Variants in AKAP12 observed in about 807,000 individuals in gnomAD.
AKAP12 encodes A-kinase anchor protein 12.
A neutral mutation model predicts 79.9 loss-of-function variants in AKAP12; 32 were observed. The observed-to-expected ratio is 0.40, with a 90% confidence interval of 0.30 to 0.54. The LOEUF is 0.54. AKAP12 is among the 20% of genes least tolerant of loss of function. AKAP12 has a pLI of 0.48. For missense variants in AKAP12, 2,074 were observed against 2,177.0 expected (o/e 0.95, Z 0.94); for synonymous variants, 808 against 857.0 (o/e 0.94, Z 1.00).
At chr6:151,348,152 C>CAA (rs35483096) in intron 3 of AKAP12, among the ~76,000 whole-genome samples, 8 of 149,726 alleles carry the variant, frequency 5.3e-5, no homozygotes, top group South Asian at 2.1e-4. Flanking sequence ...GACTCCATCT[C>CAA]AAAAAAAACA....
At chr6:151,333,655 A>G (rs566420970) in intron 3 of AKAP12, among the ~76,000 whole-genome samples, 168 of 151,172 alleles carry the variant, frequency 1.1e-3, no homozygotes, top group Middle Eastern at 3.4e-3. Context: ...AGGCAGGAAA[A>G]TTGCTTGAAC....
At chr6:151,285,493 G>A (rs898775142) in intron 2 of AKAP12, among the ~76,000 whole-genome samples, 1 of 150,662 alleles carries the variant, frequency 6.6e-6, no homozygotes. Context: ...ATGAAAAAAG[G>A]ATTTTTTTAA....
chr6:151,354,917 G>T (rs1015210423), intron 4 of AKAP12, among the ~76,000 whole-genome samples: 5 of 152,074 alleles, frequency 3.3e-5, no homozygotes, highest in Admixed American at 2.0e-4. Context: ...CTGGCCTCAA[G>T]AAATCCTCCT....
chr6:151,348,144 C>T (rs1283096916), intron 3 of AKAP12, among the ~76,000 whole-genome samples: 1 of 138,340 alleles, frequency 7.2e-6, no homozygotes, highest in African/African-American at 2.5e-5. Flanking sequence ...CAGAGTGAGA[C>T]TCCATCTCAA....
chr6:151,333,668 G>A lies in AKAP12; in HGVS notation c.320-15043G>A, dbSNP rs113276856. ...TGAGGCAGGAAAATTGCTTGAACCC[G>A]GGAGGTGGAGGCTGCAGTCGAGATC... On this transcript the variant is annotated intron_variant, in intron 3 of 4. Transcript: ENST00000402676. Among the ~76,000 whole-genome samples the A allele has an allele frequency of 9.6e-4, 145 of 151,648 alleles. 1 individual carries two copies. Among genetic ancestry groups the A allele is most frequent in the African/African-American group, 3.3e-3 (138 of 41,290 alleles).
intron 3 of AKAP12, among the ~76,000 whole-genome samples, chr6:151,314,827 G>T (rs751010552): frequency 2.6e-5 from 4 of 152,012 alleles, no homozygotes; most frequent in Admixed American, 6.6e-5. Flanking sequence ...GGCTGAGGTG[G>T]GTGGATCACA....
At chr6:151,326,410 T>C (rs1009930121) in intron 3 of AKAP12, among the ~76,000 whole-genome samples, 2 of 151,792 alleles carry the variant, frequency 1.3e-5, no homozygotes, top group African/African-American at 2.4e-5. Flanking sequence ...TAAGCTCTGC[T>C]TTAAGTGGTG....
At chr6:151,264,202 C>T (rs904458097) in intron 2 of AKAP12, among the ~76,000 whole-genome samples, 17 of 152,050 alleles carry the variant, frequency 1.1e-4, no homozygotes, top group African/African-American at 3.9e-4. Context: ...GAGCAGGGTG[C>T]GGCCTTGGGA....
At chr6:151,259,467 C>CGTGTGT (rs1309766949) in intron 2 of AKAP12, among the ~76,000 whole-genome samples, 2 of 88,046 alleles carry the variant, frequency 2.3e-5, no homozygotes, top group African/African-American at 1.2e-4. Context: ...CACATATATA[C>CGTGTGT]ATGTATATAT....
chr6:151,298,223 C>G (rs372789658), intron 2 of AKAP12, among the ~76,000 whole-genome samples: 1 of 152,154 alleles, frequency 6.6e-6, no homozygotes, highest in African/African-American at 2.4e-5. Flanking sequence ...CACCTTTACC[C>G]GCTTTGTCCT....
intron 2 of AKAP12, among the ~76,000 whole-genome samples, chr6:151,269,223 C>T (rs1057488835): frequency 1.1e-4 from 17 of 151,834 alleles, no homozygotes; most frequent in Non-Finnish European, 1.5e-4. Flanking sequence ...CCATTAGTAA[C>T]GGTCCCATTC....
At chr6:151,269,954 TATCAATGGA>T (rs1776147724) in intron 2 of AKAP12, among the ~76,000 whole-genome samples, 1 of 152,238 alleles carries the variant, frequency 6.6e-6, no homozygotes, top group East Asian at 1.9e-4. Context: ...GGACATTTTG[TATCAATGGA>T]ATCATACAAT....
chr6:151,327,551 A>AT (rs1777561881), intron 3 of AKAP12, among the ~76,000 whole-genome samples: 1 of 152,062 alleles, frequency 6.6e-6, no homozygotes. Context: ...GTACAATATG[A>AT]TTTTTATTAT....
Position 151,351,895 on chromosome 6 carries a change from C to T in AKAP12, c.3504C>T (p.Asp1168=). 6.2e-7 allele frequency: 1 copy of T among 1,614,106 alleles called. No homozygotes were observed. ...CTGACTCGGTGGAAACCCCTACAGA[C>T]AGTGAGACTGATGGAAGCACCCCCG... is the stretch of plus-strand genomic sequence containing the variant. ...IPPDSVETPT[D]SETDGSTPVA... is the part of the protein sequence containing the mutation. The change falls in exon 4 of 5, where the codon GAC becomes GAT. Residue 1168 remains aspartate, a synonymous_variant. Transcript: ENST00000402676. The surrounding 1 kb of genome is among the most constrained non-coding windows in gnomAD (Gnocchi z 4.4).
intron 3 of AKAP12, among the ~76,000 whole-genome samples, chr6:151,332,038 T>TTTGTTTTTG (rs1349133707): frequency 2.8e-5 from 4 of 141,964 alleles, no homozygotes; most frequent in African/African-American, 1.1e-4. Context: ...GGTCTGTTTT[T>TTTGTTTTTG]TTTTTTTTTT....
intron 2 of AKAP12, among the ~76,000 whole-genome samples, chr6:151,285,553 T>C (rs935112418): frequency 8.5e-5 from 13 of 152,080 alleles, no homozygotes; most frequent in African/African-American, 3.1e-4. Flanking sequence ...AGCAAAGTCC[T>C]TTCTTGCGGT....
chr6:151,278,166 A>C (rs943881123), intron 2 of AKAP12, among the ~76,000 whole-genome samples: 7 of 152,200 alleles, frequency 4.6e-5, no homozygotes, highest in African/African-American at 1.7e-4. Context: ...GGATGGATTT[A>C]CAATGAAGGG....
chr6:151,351,354 A>C lies in AKAP12; in HGVS notation c.2963A>C (p.Glu988Ala), dbSNP rs748173799. The change falls in exon 4 of 5, where the codon GAA becomes GCA. Residue 988 changes from glutamate (E) to alanine (A), a missense_variant. Coordinates refer to ENST00000402676, the MANE Select transcript of AKAP12 (RefSeq NM_005100.4). This position sits in a 1 kb window ranked among gnomAD's most constrained non-coding sequence, Gnocchi z 4.4. ...GAAACTGCAGGGCCATTGGGTGCCG[A>C]AGAAGGAACCGAAGCATCTGCTGCT... ...AAETAGPLGA[E>A]EGTEASAAEE... 2 of 1,614,218 alleles carry C rather than the reference A, an allele frequency of 1.2e-6. No homozygotes were observed. The highest frequency in any genetic ancestry group is 1.7e-6 in the Non-Finnish European group (2 of 1,180,044).
chr6:151,334,839 G>A lies in AKAP12; in HGVS notation c.320-13872G>A, dbSNP rs187834433. On this transcript the variant is annotated intron_variant, in intron 3 of 4. Transcript: ENST00000402676. ...GGGGTTTCTCCGTGGTAGCCAGGAT[G>A]GTCTTGATCTCCTGACCTCGTGATC... Among the ~76,000 whole-genome samples the A allele has an allele frequency of 5.1e-4, 77 of 152,034 alleles. No individual in the cohort carries two copies. The East Asian group carries it at 7.5e-3, about 15-fold the overall frequency.
Sources: allele counts gnomAD v4.1 joint callset (sites outside exome capture counted in the v4.1 genomes callset), GRCh38; gene constraint gnomAD v4.1.1; non-coding constraint Gnocchi (gnomAD v3.1); transcripts MANE v1.5; gene names NCBI Gene and HGNC (gene_info 2026-07-23, HGNC 2026-07-21).